The following KHDRBS2 variants were observed in gnomAD, a reference collection of about 807,000 sequenced individuals.
The protein encoded by KHDRBS2 is KH domain-containing, RNA-binding, signal transduction-associated protein 2.
In KHDRBS2, 26 loss-of-function variants were observed where a neutral mutation model predicts 44.3. The observed-to-expected ratio is 0.59, with a 90% confidence interval of 0.43 to 0.81. The LOEUF (loss-of-function observed/expected upper bound fraction) is 0.81. KHDRBS2 is among the 40% of genes least tolerant of loss of function. The pLI is 0.00. For synonymous variants in KHDRBS2, 194 were observed against 151.1 expected, an observed-to-expected ratio of 1.28 and a Z score of -2.08; for missense variants, 476 against 433.1, an observed-to-expected ratio of 1.10 and a Z score of -0.88.
intron 6 of KHDRBS2, among the ~76,000 whole-genome samples, chr6:61,807,661 T>G (rs189186750): frequency 1.3e-5 from 2 of 152,070 alleles, no homozygotes; most frequent in East Asian, 3.9e-4. Context: ...CACTAGGGCC[T>G]CCTTGAAGGT....
chr6:61,740,148 A>G (rs1177317688), intron 6 of KHDRBS2, among the ~76,000 whole-genome samples: 3 of 151,908 alleles, frequency 2.0e-5, no homozygotes, highest in Non-Finnish European at 2.9e-5. Flanking sequence ...AATAGGTCTG[A>G]GGATTTCAAG....
At chr6:62,100,570 C>T (rs994931813) in intron 2 of KHDRBS2, among the ~76,000 whole-genome samples, 9 of 152,312 alleles carry the variant, frequency 5.9e-5, no homozygotes, top group African/African-American at 2.2e-4. Flanking sequence ...CACAACCACT[C>T]TAACCTTCAG....
chr6:62,014,227 A>G (rs1445012095), intron 3 of KHDRBS2, among the ~76,000 whole-genome samples: 1 of 152,290 alleles, frequency 6.6e-6, no homozygotes, highest in African/African-American at 2.4e-5. Context: ...TTCAGTCTAC[A>G]ATATATTAGT....
intron 1 of KHDRBS2, among the ~76,000 whole-genome samples, chr6:62,234,296 T>TC (rs1474006895): frequency 6.6e-6 from 1 of 152,164 alleles, no homozygotes; most frequent in Non-Finnish European, 1.5e-5. Flanking sequence ...ATCTGATCTT[T>TC]CTCTCCCTTC....
At chr6:62,121,793 T>G (rs1209806064) in intron 2 of KHDRBS2, among the ~76,000 whole-genome samples, 1 of 152,134 alleles carries the variant, frequency 6.6e-6, no homozygotes, top group African/African-American at 2.4e-5. Flanking sequence ...GCAAACACAC[T>G]GGAGTTATTT....
At chr6:61,554,055 TG>T in the KHDRBS2 span, among the ~76,000 whole-genome samples, 4 of 152,196 alleles carry the variant, frequency 2.6e-5, no homozygotes, top group Admixed American at 2.0e-4. Context: ...TGTATATTTA[TG>T]TTAGCTTTCT....
Position 62,153,284 on chromosome 6 carries a change from C to G in KHDRBS2, c.219+23901G>C, listed in dbSNP as rs1400069837. Among the ~76,000 whole-genome samples the G allele has an allele frequency of 3.3e-5, 5 of 151,758 alleles. No homozygotes were observed. In the East Asian group the frequency reaches 9.7e-4, roughly 29 times the overall value. ...TTGCTTGTACAACTCTAATGCTGAG[C>G]AAATGATGAAATTCCTTAATGTCTG... On this transcript the variant is annotated intron_variant, in intron 2 of 8. Coordinates refer to ENST00000281156, the MANE Select transcript of KHDRBS2 (RefSeq NM_152688.4).
the KHDRBS2 span, among the ~76,000 whole-genome samples, chr6:61,546,653 C>T: frequency 6.6e-6 from 1 of 151,982 alleles, no homozygotes; most frequent in East Asian, 1.9e-4. Flanking sequence ...TTATTTATCC[C>T]ATGTTTGGTG....
At chr6:61,846,407 C>T (rs1422763433) in intron 6 of KHDRBS2, among the ~76,000 whole-genome samples, 3 of 152,120 alleles carry the variant, frequency 2.0e-5, no homozygotes, top group Non-Finnish European at 4.4e-5. Context: ...TAAAATGAGT[C>T]ACATAGACGT....
intron 6 of KHDRBS2, among the ~76,000 whole-genome samples, chr6:61,892,227 A>T (rs1454594244): frequency 6.6e-6 from 1 of 152,144 alleles, no homozygotes; most frequent in Non-Finnish European, 1.5e-5. Context: ...GAGAACTACA[A>T]ACCACTGCTC....
At chr6:61,673,833 A>G in the KHDRBS2 span, among the ~76,000 whole-genome samples, 4 of 144,810 alleles carry the variant, frequency 2.8e-5, no homozygotes, top group African/African-American at 1.0e-4. Flanking sequence ...CAATATCGTG[A>G]AAATGGCCAT....
intron 1 of KHDRBS2, among the ~76,000 whole-genome samples, chr6:62,258,337 C>T (rs546470276): frequency 2.6e-5 from 4 of 152,088 alleles, no homozygotes; most frequent in South Asian, 4.2e-4. Flanking sequence ...ATGGTTAATA[C>T]GGATATTCTG....
chr6:61,909,990 C>T (rs1377541052), intron 4 of KHDRBS2, among the ~76,000 whole-genome samples: 2 of 152,168 alleles, frequency 1.3e-5, no homozygotes, highest in Admixed American at 6.5e-5. Flanking sequence ...CAGAAATCAT[C>T]GGAAATGATA....
At chr6:62,273,974 C>T (rs919199573) in intron 1 of KHDRBS2, among the ~76,000 whole-genome samples, 2 of 152,038 alleles carry the variant, frequency 1.3e-5, no homozygotes, top group African/African-American at 4.8e-5. Flanking sequence ...GAGTCTCTGT[C>T]ACCCAGGCTG....
At chr6:62,281,573 T>C (rs1841807048) in intron 1 of KHDRBS2, among the ~76,000 whole-genome samples, 1 of 152,090 alleles carries the variant, frequency 6.6e-6, no homozygotes, top group African/African-American at 2.4e-5. Context: ...TGAGCCAAAA[T>C]CGCACCACTT....
At chr6:62,143,254 TAACTC>T (rs754130214) in intron 2 of KHDRBS2, among the ~76,000 whole-genome samples, 11 of 151,954 alleles carry the variant, frequency 7.2e-5, no homozygotes, top group Non-Finnish European at 5.9e-5. Context: ...GTATAATTCC[TAACTC>T]ATCTATACAC....
chr6:61,645,265 G>A, the KHDRBS2 span, among the ~76,000 whole-genome samples: 2 of 151,928 alleles, frequency 1.3e-5, no homozygotes, highest in Non-Finnish European at 2.9e-5. Context: ...TAAATAATGA[G>A]AACATATGGA....
chr6:61,825,902 C>T (rs1355559224), intron 6 of KHDRBS2, among the ~76,000 whole-genome samples: 3 of 152,072 alleles, frequency 2.0e-5, no homozygotes, highest in African/African-American at 4.8e-5. Context: ...ATTTTTAGAG[C>T]AGTACCTGCC....
In KHDRBS2 at chr6:61,693,150, G is replaced by C. The variant is rs1179848616; in HGVS notation, c.952+4045C>G. Among the ~76,000 whole-genome samples the C allele has an allele frequency of 7.2e-5, 11 of 152,168 alleles. 1 individual carries two copies. The South Asian group carries it at 2.3e-3, about 32-fold the overall frequency. ...AAATAGATAATAGTTAATATGTAAA[G>C]TATGGACAATTAATAAAAATAATCA... On this transcript the variant is annotated intron_variant, in intron 8 of 8. Transcript: ENST00000281156.
Sources: gnomAD v4.1 joint callset for allele counts (sites outside exome capture counted in the v4.1 genomes callset) on GRCh38, gnomAD v4.1.1 for gene constraint, MANE v1.5 for transcripts, NCBI Gene and HGNC (gene_info 2026-07-23, HGNC 2026-07-21) for gene names.